CCDC3: variants seen among roughly 807,000 people sequenced by gnomAD.
The protein encoded by CCDC3 is coiled-coil domain containing 3, also known as coiled-coil domain-containing protein 3.
In CCDC3, 24 loss-of-function variants were observed where a neutral mutation model predicts 21.4. The ratio of observed to expected loss-of-function variants is 1.12; its 90% CI spans 0.81 to 1.58. The LOEUF (loss-of-function observed/expected upper bound fraction) is 1.58, where lower values mean the gene tolerates loss of function less well. Among genes scored for constraint, CCDC3 ranks in the 40% most tolerant of loss-of-function variants. The probability of loss-of-function intolerance (pLI) is 0.00; values close to 1 mark genes in which losing one functional copy is unlikely to be tolerated. For missense variants in CCDC3, 425 were observed against 360.9 expected, an observed-to-expected ratio of 1.18 and a Z score of -1.44; for synonymous variants, 186 against 166.0, an observed-to-expected ratio of 1.12 and a Z score of -0.93.
chr10:13,022,338 C>A (rs1278734069), intron 5 of CCDC3, among the ~76,000 whole-genome samples: 3 of 152,052 alleles, frequency 2.0e-5, no homozygotes, highest in African/African-American at 7.2e-5. Context: ...CTGTCTTGCT[C>A]CCTCCTTAAA....
chr10:12,931,787 C>A (rs186695136), intron 2 of CCDC3, among the ~76,000 whole-genome samples: 44 of 152,320 alleles, frequency 2.9e-4, no homozygotes, highest in African/African-American at 8.9e-4. Flanking sequence ...AGATCCTAAA[C>A]TGTCCACATT....
At chr10:12,998,679 A>AC (rs138452740) in intron 1 of CCDC3, among the ~76,000 whole-genome samples, 167 bp from the exon 2 acceptor site, 3,450 of 152,280 alleles carry the variant, frequency 0.023, 144 homozygotes, top group African/African-American at 0.078. Context: ...GTCTCACGCT[A>AC]CATCAGTCTA....
chr10:12,953,727 G>A (rs577981084), intron 2 of CCDC3, among the ~76,000 whole-genome samples: 4 of 152,192 alleles, frequency 2.6e-5, no homozygotes. Flanking sequence ...CGAGGCACTC[G>A]GCCCCAGGCA....
Position 12,901,477 on chromosome 10 carries a change from A to G in CCDC3, c.550-2798T>C, listed in dbSNP as rs1057433827. Among the ~76,000 whole-genome samples the G allele has an allele frequency of 9.2e-5, 14 of 151,896 alleles. 1 individual carries two copies. Among genetic ancestry groups the G allele is most frequent in the African/African-American group, 3.4e-4 (14 of 41,346 alleles). On this transcript the variant is annotated intron_variant, in intron 2 of 2. Transcript: ENST00000378825. ...TTTTGTAGAGATGGGGTTTCACCAT[A>G]TTGGCCAGGATGGTCTCGATTTCCT...
At chr10:12,969,095 C>A (rs769368649) in intron 2 of CCDC3, among the ~76,000 whole-genome samples, 2 of 152,086 alleles carry the variant, frequency 1.3e-5, no homozygotes, top group African/African-American at 4.8e-5. Context: ...ATACAGGGAA[C>A]TGAAACTACT....
At chr10:13,091,820 CAAAAAAA>C (rs5783305) in intron 3 of CCDC3, among the ~76,000 whole-genome samples, 19 of 127,336 alleles carry the variant, frequency 1.5e-4, no homozygotes, top group African/African-American at 3.6e-4. Flanking sequence ...AAGCCCAATC[CAAAAAAA>C]AAAAAAAAAA....
chr10:12,908,306 C>G (rs1433749194), intron 2 of CCDC3, among the ~76,000 whole-genome samples: 1 of 152,182 alleles, frequency 6.6e-6, no homozygotes, highest in Non-Finnish European at 1.5e-5. Context: ...CAGCTGTGCA[C>G]ATTGGTCCTG....
chr10:13,086,840 G>A (rs560593570), intron 3 of CCDC3, among the ~76,000 whole-genome samples: 26 of 152,276 alleles, frequency 1.7e-4, no homozygotes, highest in Middle Eastern at 3.4e-3. Flanking sequence ...GTCAGGAAGC[G>A]GCACCTGCCA....
chr10:12,935,257 C>T (rs558578830), intron 2 of CCDC3, among the ~76,000 whole-genome samples: 1 of 152,108 alleles, frequency 6.6e-6, no homozygotes, highest in African/African-American at 2.4e-5. Flanking sequence ...TTTGCTCTGT[C>T]ACCCAGGCTG....
chr10:13,002,519 A>T (rs1464752797), upstream of CCDC3, among the ~76,000 whole-genome samples: 1 of 152,020 alleles, frequency 6.6e-6, no homozygotes, highest in African/African-American at 2.4e-5. Flanking sequence ...TCTCCCAAGT[A>T]GCTGGGAATA....
At chr10:12,960,547 G>A (rs190085010) in intron 2 of CCDC3, among the ~76,000 whole-genome samples, 6 of 152,262 alleles carry the variant, frequency 3.9e-5, no homozygotes, top group South Asian at 2.1e-4. Context: ...TAAACAGACC[G>A]AAGCCCAAGA....
chr10:12,970,356 C>A (rs370697140), intron 2 of CCDC3, among the ~76,000 whole-genome samples: 2 of 152,068 alleles, frequency 1.3e-5, no homozygotes, highest in Non-Finnish European at 2.9e-5. Flanking sequence ...TTTCAACTTA[C>A]GGTGGGTTTA....
chr10:12,918,221 A>G (rs1834388653), intron 2 of CCDC3, among the ~76,000 whole-genome samples: 1 of 152,242 alleles, frequency 6.6e-6, no homozygotes, highest in Non-Finnish European at 1.5e-5. Context: ...CTCCAGTGCC[A>G]TATGACTTTT....
At chr10:13,061,026 C>T (rs1836751478) in intron 4 of CCDC3, among the ~76,000 whole-genome samples, 1 of 152,144 alleles carries the variant, frequency 6.6e-6, no homozygotes, top group Non-Finnish European at 1.5e-5. Context: ...ATCCTTGTTC[C>T]ATAATTTTCC....
chr10:12,916,177 A>G (rs543181991), intron 2 of CCDC3, among the ~76,000 whole-genome samples: 1 of 152,094 alleles, frequency 6.6e-6, no homozygotes, highest in Non-Finnish European at 1.5e-5. Context: ...TTCACGCCTG[A>G]AGTCCCAGCA....
At chr10:12,972,146 T>C (rs184911889) in intron 2 of CCDC3, among the ~76,000 whole-genome samples, 4 of 152,216 alleles carry the variant, frequency 2.6e-5, no homozygotes, top group East Asian at 3.9e-4. Flanking sequence ...CCTCATGCCA[T>C]ACACAATCCA....
intron 2 of CCDC3, among the ~76,000 whole-genome samples, chr10:12,948,233 C>T (rs1834949579): frequency 2.0e-5 from 3 of 152,194 alleles, no homozygotes; most frequent in Admixed American, 2.0e-4. Flanking sequence ...TCTTCCTTCG[C>T]CTTCCACCAT....
intron 4 of CCDC3, among the ~76,000 whole-genome samples, chr10:13,068,038 A>G (rs1015898112): frequency 1.3e-5 from 2 of 152,144 alleles, no homozygotes; most frequent in African/African-American, 4.8e-5. Flanking sequence ...GAGAGGCCCT[A>G]AGATAACTCC....
intron 2 of CCDC3, among the ~76,000 whole-genome samples, chr10:12,996,882 T>G (rs1035905526): frequency 4.0e-5 from 6 of 151,624 alleles, no homozygotes; most frequent in Admixed American, 2.6e-4. Flanking sequence ...AAACATTGAG[T>G]ACACATGGAC....
Sources: gnomAD v4.1 joint callset for allele counts (sites outside exome capture counted in the v4.1 genomes callset) on GRCh38, gnomAD v4.1.1 for gene constraint, MANE v1.5 for transcripts, NCBI Gene and HGNC (gene_info 2026-07-23, HGNC 2026-07-21) for gene names.